BRINP3: variants seen among roughly 807,000 people sequenced by gnomAD.
BRINP3 encodes BMP/retinoic acid-inducible neural-specific protein 3.
BRINP3 carries 19 observed loss-of-function variants against 71.0 expected under a neutral mutation model. That is an observed-to-expected ratio of 0.27 (90% CI 0.19 to 0.39). The LOEUF (loss-of-function observed/expected upper bound fraction) is 0.39, where lower values mean the gene tolerates loss of function less well. Among genes scored for constraint, BRINP3 ranks in the 10% least tolerant of loss-of-function variants. The pLI is 1.00. For missense variants in BRINP3, 959 were observed against 940.8 expected (o/e 1.02, Z -0.25); for synonymous variants, 380 against 337.7 (o/e 1.13, Z -1.37).
At chr1:190,338,511 T>A (rs1667438194) in intron 2 of BRINP3, among the ~76,000 whole-genome samples, 1 of 152,010 alleles carries the variant, frequency 6.6e-6, no homozygotes, top group African/African-American at 2.4e-5. Context: ...CTACTAGTTA[T>A]GATATGTGCA....
chr1:190,183,270 T>C (rs905952050), intron 6 of BRINP3, among the ~76,000 whole-genome samples: 5 of 152,190 alleles, frequency 3.3e-5, no homozygotes, highest in African/African-American at 4.8e-5. Flanking sequence ...TGGTATTTCA[T>C]GTAAGTAATT....
At chr1:190,423,246 A>G (rs1311753812) in intron 2 of BRINP3, among the ~76,000 whole-genome samples, 2 of 151,722 alleles carry the variant, frequency 1.3e-5, no homozygotes, top group African/African-American at 2.4e-5. Flanking sequence ...ACATTCTTCT[A>G]TGGGGTTTTA....
intron 6 of BRINP3, among the ~76,000 whole-genome samples, chr1:190,191,718 T>C (rs815345): frequency 0.37 from 55,764 of 151,878 alleles, 10,309 homozygotes; most frequent in Middle Eastern, 0.42. Flanking sequence ...AATAAACGTA[T>C]GTGTGCCTGT....
Position 190,239,015 on chromosome 1 carries a change from G to A in BRINP3, c.619-4538C>T, listed in dbSNP as rs534552697. On this transcript the variant is annotated intron_variant, in intron 4 of 7. Transcript: ENST00000367462. ...ATCATGGCCGAAGGCAGAAGGTGAAGGGAAGCAAGACATGTCTTACATGGT... is the reference window on the plus strand; with the variant it reads ...ATCATGGCCGAAGGCAGAAGGTGAAAGGAAGCAAGACATGTCTTACATGGT... Among the ~76,000 whole-genome samples, 31 of 152,252 alleles carry A rather than the reference G, an allele frequency of 2.0e-4. No individual in the cohort carries two copies. In the South Asian group the frequency reaches 6.2e-3, roughly 31 times the overall value.
chr1:190,243,792 G>A (rs918371988), intron 4 of BRINP3, among the ~76,000 whole-genome samples: 6 of 152,052 alleles, frequency 3.9e-5, no homozygotes, highest in East Asian at 1.9e-4. Context: ...AGGAACTCAG[G>A]AGCCAGGGTA....
chr1:190,437,823 T>C (rs1302783042), intron 2 of BRINP3, among the ~76,000 whole-genome samples: 1 of 151,854 alleles, frequency 6.6e-6, no homozygotes, highest in Non-Finnish European at 1.5e-5. Flanking sequence ...CCATTTACTT[T>C]TATGTTAAGA....
chr1:190,150,348 A>T (rs1656282925), intron 7 of BRINP3, among the ~76,000 whole-genome samples: 1 of 152,072 alleles, frequency 6.6e-6, no homozygotes, highest in East Asian at 1.9e-4. Context: ...GGTGAGGAAG[A>T]TTATTTATAG....
chr1:190,407,634 AT>A (rs1672370306), intron 2 of BRINP3, among the ~76,000 whole-genome samples: 1 of 152,216 alleles, frequency 6.6e-6, no homozygotes. Context: ...TTTATATAAC[AT>A]TTAACATCAG....
chr1:190,453,221 TTTTTTTTTTTTTTTTTTG>T (rs1675754729), intron 2 of BRINP3, among the ~76,000 whole-genome samples: 1 of 97,118 alleles, frequency 1.0e-5, no homozygotes, highest in African/African-American at 3.9e-5. Context: ...TTTTTTTTTT[TTTTTTTTTTTTTTTTTTG>T]AGACGGAGGC....
chr1:190,320,548 C>G (rs1239267068), intron 2 of BRINP3, among the ~76,000 whole-genome samples: 1 of 151,678 alleles, frequency 6.6e-6, no homozygotes. Context: ...CATTCATTTT[C>G]TAACTCACTT....
intron 3 of BRINP3, among the ~76,000 whole-genome samples, chr1:190,270,935 T>C (rs1347706522): frequency 1.3e-5 from 2 of 151,638 alleles, no homozygotes; most frequent in Non-Finnish European, 3.0e-5. Context: ...TTTAAAAACA[T>C]AATAATTATA....
At chr1:190,396,361 C>T (rs1390374923) in intron 2 of BRINP3, among the ~76,000 whole-genome samples, 1 of 151,698 alleles carries the variant, frequency 6.6e-6, no homozygotes, top group African/African-American at 2.4e-5. Flanking sequence ...GAAAGCAAAA[C>T]ACTATCATCC....
chr1:190,455,044 T>C (rs1675895907), intron 1 of BRINP3, 104 bp from the exon 2 acceptor site: 1 of 570,026 alleles, frequency 1.8e-6, no homozygotes, highest in Admixed American at 3.3e-5. Context: ...TATCATTGTT[T>C]TAAATTAGTA....
intron 6 of BRINP3, among the ~76,000 whole-genome samples, chr1:190,182,530 T>G (rs555195637): frequency 6.6e-6 from 1 of 152,198 alleles, no homozygotes; most frequent in South Asian, 2.1e-4. Flanking sequence ...AATTTGGCAT[T>G]TATTTTATAA....
intron 6 of BRINP3, among the ~76,000 whole-genome samples, chr1:190,223,761 C>T (rs979842572): frequency 1.3e-5 from 2 of 151,736 alleles, no homozygotes; most frequent in Non-Finnish European, 3.0e-5. Context: ...AACACAATTT[C>T]ATACCTAGAA....
At chr1:190,328,963 A>C (rs1243857677) in intron 2 of BRINP3, among the ~76,000 whole-genome samples, 2 of 152,064 alleles carry the variant, frequency 1.3e-5, no homozygotes, top group African/African-American at 4.8e-5. Flanking sequence ...CTTATAAAAT[A>C]ATCCAACGTT....
At chr1:190,307,734 A>G (rs959168655) in intron 2 of BRINP3, among the ~76,000 whole-genome samples, 2 of 151,962 alleles carry the variant, frequency 1.3e-5, no homozygotes, top group African/African-American at 4.8e-5. Context: ...ATTAAGAAGT[A>G]ACTTTCTTTT....
intron 7 of BRINP3, among the ~76,000 whole-genome samples, chr1:190,114,227 C>T (rs997854037): frequency 6.6e-6 from 1 of 152,154 alleles, no homozygotes; most frequent in Non-Finnish European, 1.5e-5. Flanking sequence ...TCTGTTCTGC[C>T]TTCTGCCACG....
At chr1:190,111,194 A>AC (rs1652651143) in intron 7 of BRINP3, among the ~76,000 whole-genome samples, 2 of 150,230 alleles carry the variant, frequency 1.3e-5, no homozygotes, top group African/African-American at 2.5e-5. Context: ...AAAAAAAAAA[A>AC]AAAAAAAAAA....
Sources: allele counts gnomAD v4.1 joint callset (sites outside exome capture counted in the v4.1 genomes callset), GRCh38; gene constraint gnomAD v4.1.1; transcripts MANE v1.5; gene names NCBI Gene and HGNC (gene_info 2026-07-23, HGNC 2026-07-21).